Variants in PNPT1 observed in about 807,000 individuals in gnomAD.
PNPT1 encodes polyribonucleotide nucleotidyltransferase 1.
In PNPT1, 53 loss-of-function variants were observed where a neutral mutation model predicts 119.5. That is an observed-to-expected ratio of 0.44 (90% CI 0.36 to 0.56). The LOEUF (loss-of-function observed/expected upper bound fraction) is 0.56. PNPT1 is among the 20% of genes least tolerant of loss of function. The pLI is 0.00. For synonymous variants in PNPT1, 357 were observed against 322.1 expected (o/e 1.11, Z -1.16); for missense variants, 948 against 938.5 (o/e 1.01, Z -0.13).
chr2:55,691,878 A>ATATATATATATATTTATTTTT (rs1326804958), intron 1 of PNPT1, among the ~76,000 whole-genome samples: 1 of 33,132 alleles, frequency 3.0e-5, no homozygotes, highest in Non-Finnish European at 5.9e-5. Context: ...ATATATATAT[A>ATATATATATATATTTATTTTT]TTTTTTTTTT....
Position 55,672,944 on chromosome 2 carries a change from G to A in PNPT1, c.815C>T (p.Thr272Ile). 1 of 1,613,194 alleles carries A rather than the reference G, an allele frequency of 6.2e-7. No homozygotes were observed. The highest frequency in any genetic ancestry group is 1.3e-5 in the African/African-American group (1 of 74,940). Reference protein sequence around the residue: ...LVKETGVTKRTPQKLFTPSPE... With the variant: ...LVKETGVTKRIPQKLFTPSPE... ...CGAAGGGGTAAATAACTTCTGAGGT[G>A]TCCTCTTGGTAACACCAGTTTCTTT... Residue 272 changes from threonine (T) to isoleucine (I), a missense_variant, in exon 9 of 28, where the codon ACA becomes ATA. Coordinates refer to ENST00000447944, the MANE Select transcript of PNPT1 (RefSeq NM_033109.5).
intron 26 of PNPT1, among the ~76,000 whole-genome samples, chr2:55,638,084 T>C (rs1227987825): frequency 6.6e-6 from 1 of 151,220 alleles, no homozygotes; most frequent in Non-Finnish European, 1.5e-5. Context: ...GGCAGATCAC[T>C]TGAGCTCCGG....
rs758727619 is a variant in PNPT1 at position 55,672,997 on chromosome 2, T to C, written c.762A>G (p.Gln254=). The change falls in exon 9 of 28, where the codon CAA becomes CAG. Residue 254 remains glutamine, a synonymous_variant. Coordinates refer to ENST00000447944, the MANE Select transcript of PNPT1 (RefSeq NM_033109.5). ...AIKVGVKYTQ[Q]IIQGIQQLVK... ...CCAACTGCTGAATGCCCTGAATTAT[T>C]TGTTGGGTATATTTCACTCCCACTT... 2.5e-6 allele frequency: 4 copies of C among 1,613,498 alleles called. No individual in the cohort carries two copies. In the Admixed American group the frequency reaches 5.0e-5, roughly 20 times the overall value.
At chr2:55,690,261 G>A (rs1320105838) in intron 1 of PNPT1, among the ~76,000 whole-genome samples, 1 of 152,210 alleles carries the variant, frequency 6.6e-6, no homozygotes, top group Non-Finnish European at 1.5e-5. Flanking sequence ...CTGATGTCTT[G>A]AAACAGACCA....
chr2:55,646,366 G>T (rs1168644073), intron 20 of PNPT1, 44 bp from the exon 21 acceptor site: 1 of 1,596,386 alleles, frequency 6.3e-7, no homozygotes, highest in Admixed American at 1.7e-5. Context: ...TTGACTCATG[G>T]CATTATTTAA....
At chr2:55,675,473 C>A (rs1047418772) in intron 8 of PNPT1, among the ~76,000 whole-genome samples, 3 of 151,956 alleles carry the variant, frequency 2.0e-5, no homozygotes, top group African/African-American at 4.8e-5. Context: ...AATGGATACC[C>A]CCCAAATAAA....
intron 19 of PNPT1, 75 bp downstream of exon 19, chr2:55,647,272 G>A: frequency 8.2e-7 from 1 of 1,221,288 alleles, no homozygotes; most frequent in Non-Finnish European, 1.1e-6. Context: ...ACCATTATTT[G>A]TTTTTATCTT....
intron 7 of PNPT1, among the ~76,000 whole-genome samples, chr2:55,680,104 G>C (rs1697198209): frequency 1.3e-5 from 2 of 152,158 alleles, no homozygotes; most frequent in African/African-American, 4.8e-5. Context: ...CTAAGGTTCA[G>C]CTTACACAAA....
intron 18 of PNPT1, among the ~76,000 whole-genome samples, chr2:55,653,799 AATCCTTTGTT>A (rs1696289786): frequency 6.6e-6 from 1 of 152,212 alleles, no homozygotes; most frequent in African/African-American, 2.4e-5. Context: ...GTTTTCATTT[AATCCTTTGTT>A]ATTCACGGCC....
rs551111413 is a variant in PNPT1 at position 55,670,189 on chromosome 2, A to T, written c.976+1130T>A. Among the ~76,000 whole-genome samples, 4 of 151,502 alleles carry T rather than the reference A, an allele frequency of 2.6e-5. No homozygotes were observed. In the East Asian group the frequency reaches 7.8e-4, roughly 30 times the overall value. On this transcript the variant is annotated intron_variant, in intron 11 of 27. Coordinates refer to ENST00000447944, the MANE Select transcript of PNPT1 (RefSeq NM_033109.5). Reference sequence around the variant, plus strand: ...GGTATTATTACTATTATTTTTATTTATTTATTTATTTTTTTGAGACAGAGT... The same window carrying T: ...GGTATTATTACTATTATTTTTATTTTTTTATTTATTTTTTTGAGACAGAGT...
At chr2:55,679,829 T>C (rs371306766) in intron 7 of PNPT1, 34 bp from the exon 8 acceptor site, 102 of 1,422,188 alleles carry the variant, frequency 7.2e-5, no homozygotes, top group Admixed American at 9.2e-5. Context: ...AACTGTTTAA[T>C]GGAAATACCC....
At chr2:55,683,645 T>G (rs1438753023) in intron 5 of PNPT1, 140 bp downstream of exon 5, 1 of 802,852 alleles carries the variant, frequency 1.2e-6, no homozygotes, top group Admixed American at 3.3e-5. Context: ...CTATCTTTTT[T>G]CAAAAACGTA....
intron 17 of PNPT1, among the ~76,000 whole-genome samples, chr2:55,655,496 T>G (rs1696357278): frequency 6.6e-6 from 1 of 152,244 alleles, no homozygotes; most frequent in Admixed American, 6.5e-5. Flanking sequence ...TTTGTCTTGC[T>G]TATCAGAAGT....
chr2:55,659,637 T>A (rs1696499474), intron 15 of PNPT1, among the ~76,000 whole-genome samples: 1 of 152,034 alleles, frequency 6.6e-6, no homozygotes, highest in Non-Finnish European at 1.5e-5. Context: ...AGTACTTATC[T>A]CTTATCTCTC....
Position 55,687,651 on chromosome 2 carries a change from T to G in PNPT1, c.216A>C (p.Val72=). ...KLARFADGSA[V]VQSGDTAVMV... ...AAAAATCTGGACTTTTTACCTGTACTACAGCAGAGCCATCTGCAAATCTGG... is the reference window on the plus strand; with the variant it reads ...AAAAATCTGGACTTTTTACCTGTACGACAGCAGAGCCATCTGCAAATCTGG... Residue 72 remains valine (V), a synonymous_variant, in exon 2 of 28, where the codon GTA becomes GTC. Coordinates refer to ENST00000447944, the MANE Select transcript of PNPT1 (RefSeq NM_033109.5). 6.3e-7 allele frequency: 1 copy of G among 1,593,844 alleles called. No homozygotes were observed. Among genetic ancestry groups the G allele is most frequent in the Non-Finnish European group, 8.5e-7 (1 of 1,173,532 alleles).
chr2:55,685,161 A>C (rs1281325296), intron 3 of PNPT1, 113 bp from the exon 4 acceptor site: 1 of 647,126 alleles, frequency 1.5e-6, no homozygotes, highest in Non-Finnish European at 2.3e-6. Context: ...CTCAGAGTAG[A>C]AAATGTTATT....
Position 55,646,428 on chromosome 2 carries a change from A to T in PNPT1, c.1661T>A (p.Ile554Lys). Residue 554 changes from isoleucine (I) to lysine (K), a missense_variant, in exon 20 of 28, where the codon ATA becomes AAA. Coordinates refer to ENST00000447944, the MANE Select transcript of PNPT1 (RefSeq NM_033109.5). Reference sequence around the variant, plus strand: ...TTTTAAAAATACCTGTAATGCAGTTATTCCTTTATTAGTGCCAGCTATTTT... The same window carrying T: ...TTTTAAAAATACCTGTAATGCAGTTTTTCCTTTATTAGTGCCAGCTATTTT... ...DFKIAGTNKGITALQADIKLP... is the reference protein window; with the variant it reads ...DFKIAGTNKGKTALQADIKLP... The T allele has an allele frequency of 1.2e-6, 2 of 1,612,752 alleles. No homozygotes were observed. Among genetic ancestry groups the T allele is most frequent in the Non-Finnish European group, 1.7e-6 (2 of 1,179,434 alleles).
chr2:55,671,844 A>C, intron 10 of PNPT1, 151 bp downstream of exon 10: 1 of 632,134 alleles, frequency 1.6e-6, no homozygotes, highest in South Asian at 2.4e-5. Context: ...AAACAAAACA[A>C]AAGAATGGAG....
chr2:55,646,125 G>T, intron 21 of PNPT1, 134 bp downstream of exon 21: 2 of 861,796 alleles, frequency 2.3e-6, no homozygotes, highest in Non-Finnish European at 3.5e-6. Context: ...ACCACACCTG[G>T]CCAGTACTTC....
Sources: gnomAD v4.1 joint callset for allele counts (sites outside exome capture counted in the v4.1 genomes callset) on GRCh38, gnomAD v4.1.1 for gene constraint, MANE v1.5 for transcripts, NCBI Gene and HGNC (gene_info 2026-07-23, HGNC 2026-07-21) for gene names.